Variants in USP16 observed in about 807,000 individuals in gnomAD.
The protein encoded by USP16 is ubiquitin specific peptidase 16, also known as ubiquitin carboxyl-terminal hydrolase 16.
A neutral mutation model predicts 95.9 loss-of-function variants in USP16; 77 were observed. The ratio of observed to expected loss-of-function variants is 0.80; its 90% CI spans 0.67 to 0.97. USP16 has a LOEUF of 0.97. USP16 is among the 50% of genes least tolerant of loss of function. The pLI, the probability that USP16 is intolerant of heterozygous loss-of-function variation, is 0.00. For synonymous variants in USP16, 303 were observed against 318.2 expected, an observed-to-expected ratio of 0.95 and a Z score of 0.51; for missense variants, 943 against 959.9, an observed-to-expected ratio of 0.98 and a Z score of 0.23.
At chr21:29,037,579 CTTTTTTTTTTTTTT>C (rs71189336) in intron 6 of USP16, 116 bp downstream of exon 6, 10 of 184,260 alleles carry the variant, frequency 5.4e-5, no homozygotes, top group African/African-American at 1.9e-4. Flanking sequence ...CCAAAGAAAA[CTTTTTTTTTTTTTT>C]TTTTTTTTTT....
At chr21:29,038,585 T>G (rs1011099727) in intron 7 of USP16, among the ~76,000 whole-genome samples, 155 bp downstream of exon 7, 1 of 152,228 alleles carries the variant, frequency 6.6e-6, no homozygotes, top group Non-Finnish European at 1.5e-5. Flanking sequence ...ATAGAAGTTA[T>G]AAGGAGGCAT....
At chr21:29,053,037 C>T (rs1387852143) in intron 16 of USP16, 1 of 152,188 alleles carries the variant, frequency 6.6e-6, no homozygotes, top group Non-Finnish European at 1.5e-5. Flanking sequence ...AGCCCAGACT[C>T]TAGTCCTGGG....
chr21:29,037,192 A>AGT, intron 5 of USP16, 84 bp from the exon 6 acceptor site: 1 of 821,724 alleles, frequency 1.2e-6, no homozygotes, highest in Non-Finnish European at 1.7e-6. Flanking sequence ...TAAACTCACA[A>AGT]ACTCTAGTAC....
chr21:29,028,022 A>T, intron 2 of USP16, 48 bp downstream of exon 2: 1 of 1,381,848 alleles, frequency 7.2e-7, no homozygotes, highest in East Asian at 2.4e-5. Flanking sequence ...CTAAATGAAT[A>T]TGTTTTAAAA....
rs1450579112 is a variant in USP16 at position 29,036,316 on chromosome 21, G to C, written c.390G>C (p.Gln130His). ...DNEVQYCSSN[Q>H]LGQVVDYVRK... ...AGGTCCAGTATTGTAGTTCAAACCA[G>C]TTGGGTCAAGTGGTTGATTATGTCA... Residue 130 changes from glutamine (Q) to histidine (H), a missense_variant, in exon 5 of 18, where the codon CAG (glutamine) becomes CAC (histidine). Gln to His is a conservative substitution (Grantham distance 24). Coordinates refer to ENST00000399976, the MANE Select transcript of USP16 (RefSeq NM_006447.3). The C allele has an allele frequency of 1.2e-6, 2 of 1,613,948 alleles. No individual in the cohort carries two copies. The highest frequency in any genetic ancestry group is 1.7e-6 in the Non-Finnish European group (2 of 1,179,930).
intron 14 of USP16, 141 bp downstream of exon 14, chr21:29,047,462 G>A (rs2085344542): frequency 2.0e-6 from 2 of 999,200 alleles, no homozygotes; most frequent in Non-Finnish European, 2.9e-6. Flanking sequence ...TAATAGGATG[G>A]AAAAGTAGGA....
At chr21:29,050,913 T>C (rs2085403973) in intron 16 of USP16, among the ~76,000 whole-genome samples, 1 of 152,228 alleles carries the variant, frequency 6.6e-6, no homozygotes, top group African/African-American at 2.4e-5. Context: ...GGCTGAATTT[T>C]AGGACGGAAA....
rs1207428887 is a variant in USP16 at position 29,037,412 on chromosome 21, G to A, written c.585G>A (p.Val195=). 5.6e-6 allele frequency: 9 copies of A among 1,605,668 alleles called. No homozygotes were observed. The highest frequency in any genetic ancestry group is 2.7e-5 in the African/African-American group (2 of 74,434). The change falls in exon 6 of 18, where the codon GTG becomes GTA. Residue 195 remains valine (V), a synonymous_variant. Coordinates refer to ENST00000399976, the MANE Select transcript of USP16 (RefSeq NM_006447.3). ...TGAATTCTCCTTGCCAAATAACCGT[G>A]AAAGGACTCAGTAATTTGGGAAACA... ...PPMNSPCQIT[V]KGLSNLGNTC...
chr21:29,050,083 C>T lies in USP16; in HGVS notation c.2107-9C>T, dbSNP rs1436198661. On this transcript the variant is annotated splice_polypyrimidine_tract_variant and intron_variant, in intron 15 of 17. Coordinates refer to ENST00000399976, the MANE Select transcript of USP16 (RefSeq NM_006447.3). ...GAAAAGAAGTCAATCTGTTATGCTTCTCTTTTAGGCTGGTTTTAACCTACG... is the reference window on the plus strand; with the variant it reads ...GAAAAGAAGTCAATCTGTTATGCTTTTCTTTTAGGCTGGTTTTAACCTACG... The T allele has an allele frequency of 1.2e-6, 2 of 1,607,672 alleles. No individual in the cohort carries two copies. Among genetic ancestry groups the T allele is most frequent in the Admixed American group, 3.4e-5 (2 of 58,710 alleles).
In USP16 at chr21:29,046,946, C is replaced by A. The variant is rs778131851; in HGVS notation, c.1636C>A (p.Leu546Met). Residue 546 changes from leucine (L) to methionine (M), a missense_variant, in exon 14 of 18, where the codon CTG becomes ATG. Physicochemically the swap from Leu to Met is conservative, Grantham distance 15. Coordinates refer to ENST00000399976, the MANE Select transcript of USP16 (RefSeq NM_006447.3). ...GAAAAATATCAACATGGATAATGATCTGGAGGTTTTAACATCTTCTCCCAC... is the reference window on the plus strand; with the variant it reads ...GAAAAATATCAACATGGATAATGATATGGAGGTTTTAACATCTTCTCCCAC... Reference protein sequence around the residue: ...DMKNINMDNDLEVLTSSPTRN... With the variant: ...DMKNINMDNDMEVLTSSPTRN... The A allele has an allele frequency of 1.2e-6, 2 of 1,613,974 alleles. No homozygotes were observed. The highest frequency in any genetic ancestry group is 1.7e-6 in the Non-Finnish European group (2 of 1,180,014).
At chr21:29,050,269 T>G in intron 16 of USP16, 91 bp downstream of exon 16, 1 of 1,068,686 alleles carries the variant, frequency 9.4e-7, no homozygotes, top group South Asian at 1.5e-5. Flanking sequence ...AAGTATGAAG[T>G]TGATAACACT....
chr21:29,030,840 T>G, intron 3 of USP16, 67 bp downstream of exon 3: 2 of 1,502,606 alleles, frequency 1.3e-6, no homozygotes, highest in Non-Finnish European at 1.8e-6. Flanking sequence ...TAGAAGGTAT[T>G]ACCTGAAAGT....
In USP16 at chr21:29,047,109, C is replaced by T. The variant is rs1344307866; in HGVS notation, c.1799C>T (p.Thr600Ile). ...ATAGAGATTCTGAATGATAGTCATA[C>T]TCCTGGAACAAAGGTGTATGAGGTT... ...INIEILNDSH[T>I]PGTKVYEVVN... Residue 600 changes from threonine to isoleucine, a missense_variant, in exon 14 of 18, where the codon ACT becomes ATT. Physicochemically the swap from Thr to Ile is moderately conservative, Grantham distance 89. Transcript: ENST00000399976. 1.2e-6 allele frequency: 2 copies of T among 1,614,092 alleles called. No individual in the cohort carries two copies. The highest frequency in any genetic ancestry group is 3.3e-5 in the Admixed American group (2 of 60,030).
chr21:29,038,509 CT>C lies in USP16; in HGVS notation c.732+80del. Reference sequence around the variant, plus strand: ...TCTAAATTATTTTAAATAACTGACACTCATTTCCACTGTTTTTGTTTGTTTT... The same window carrying C: ...TCTAAATTATTTTAAATAACTGACACCATTTCCACTGTTTTTGTTTGTTTT... On this transcript the variant is annotated intron_variant, in intron 7 of 17. Transcript: ENST00000399976. The C allele has an allele frequency of 3.8e-6, 4 of 1,039,590 alleles. No homozygotes were observed. In the South Asian group the frequency reaches 4.3e-5, roughly 11 times the overall value. 64.4% of individuals were successfully genotyped at this position (1,039,590 alleles called of 1,614,324 possible).
In USP16 at chr21:29,038,544, T is replaced by G. The variant is rs1256238503; in HGVS notation, c.732+114T>G. On this transcript the variant is annotated intron_variant, in intron 7 of 17. Coordinates refer to ENST00000399976, the MANE Select transcript of USP16 (RefSeq NM_006447.3). ...CTGTTTTTGTTTGTTTTGTTTTACT[T>G]TAGGCTACTAACTTAAACAGTTTCA... The G allele has an allele frequency of 7.1e-6, 6 of 845,258 alleles. No homozygotes were observed. In the African/African-American group the frequency reaches 1.0e-4, roughly 14 times the overall value. The allele number at this position is 845,258 out of a possible 1,614,324, so 52.4% of individuals were successfully genotyped here. A position where few individuals can be genotyped will look rare whatever the true frequency, so the allele number is the denominator to read the frequency against.
At chr21:29,032,562 C>G (rs1446496191) in intron 3 of USP16, among the ~76,000 whole-genome samples, 3 of 152,136 alleles carry the variant, frequency 2.0e-5, no homozygotes, top group Non-Finnish European at 2.9e-5. Flanking sequence ...GCATAATCAC[C>G]CAAAGATTTA....
chr21:29,041,600 C>G lies in USP16; in HGVS notation c.1031-413C>G, dbSNP rs185038350. ...GCATTTTCTCTCCCAGTTTGCTACT[C>G]TGGTATCTTTTATCAGTCTTGAATG... On this transcript the variant is annotated intron_variant, in intron 10 of 17. Coordinates refer to ENST00000399976, the MANE Select transcript of USP16 (RefSeq NM_006447.3). Among the ~76,000 whole-genome samples, 311 of 152,214 alleles carry G rather than the reference C, an allele frequency of 2.0e-3. 3 individuals are homozygous for G. The highest frequency in any genetic ancestry group is 7.3e-3 in the African/African-American group (304 of 41,544).
chr21:29,039,840 G>A (rs2085217869), intron 9 of USP16, among the ~76,000 whole-genome samples: 1 of 152,086 alleles, frequency 6.6e-6, no homozygotes, highest in South Asian at 2.1e-4. Flanking sequence ...TAACCTATAC[G>A]AAGAGAGCTG....
chr21:29,038,306 T>G, intron 6 of USP16, 29 bp from the exon 7 acceptor site: 1 of 1,499,684 alleles, frequency 6.7e-7, no homozygotes, highest in Non-Finnish European at 9.2e-7. Context: ...TAAATAATTT[T>G]TCTCTTTTTT....
Sources: allele counts gnomAD v4.1 joint callset (sites outside exome capture counted in the v4.1 genomes callset), GRCh38; gene constraint gnomAD v4.1.1; transcripts MANE v1.5; gene names NCBI Gene and HGNC (gene_info 2026-07-23, HGNC 2026-07-21).